The following RYR1 variants were observed in gnomAD, a reference collection of about 807,000 sequenced individuals.
RYR1 encodes the protein central core disease of muscle.
A neutral mutation model predicts 583.5 loss-of-function variants in RYR1; 342 were observed. The ratio of observed to expected loss-of-function variants is 0.59; its 90% CI spans 0.54 to 0.64. The LOEUF (loss-of-function observed/expected upper bound fraction) is 0.64, where lower values mean the gene tolerates loss of function less well. RYR1 is among the 30% of genes least tolerant of loss of function. RYR1 has a pLI of 0.00. For synonymous variants in RYR1, 2,791 were observed against 2,822.5 expected, an observed-to-expected ratio of 0.99 and a Z score of 0.35; for missense variants, 6,032 against 6,917.2, an observed-to-expected ratio of 0.87 and a Z score of 4.54.
chr19:38,505,671 C>T (rs1600848139), intron 53 of RYR1, 135 bp from the exon 54 acceptor site: 1 of 1,101,708 alleles, frequency 9.1e-7, no homozygotes, highest in South Asian at 1.4e-5. Context: ...TGTTACAGAG[C>T]AGGTAAGAGA....
chr19:38,565,135 G>A lies in RYR1; in HGVS notation c.12801G>A (p.Ala4267=), dbSNP rs1448049138. The A allele has an allele frequency of 3.3e-6, 5 of 1,525,926 alleles. No individual in the cohort carries two copies. Among genetic ancestry groups the A allele is most frequent in the East Asian group, 2.5e-5 (1 of 40,362 alleles). The allele number at this position is 1,525,926 out of a possible 1,614,324, so 94.5% of individuals were successfully genotyped here. The change falls in exon 91 of 106, where the codon GCG becomes GCA. Residue 4267 remains alanine (A), a synonymous_variant. Transcript: ENST00000359596. The surrounding 1 kb of genome is among the most constrained non-coding windows in gnomAD (Gnocchi z 4.7). The part of the protein sequence containing the change: ...PETDEDEGAG[A]AEAGAEGAEE... ...CCGACGAGGACGAGGGCGCGGGCGC[G>A]GCGGAGGCGGGCGCGGAAGGCGCGG...
Position 38,565,846 on chromosome 19 carries a change from G to C in RYR1, c.13437+75G>C. On this transcript the variant is annotated intron_variant, in intron 91 of 105. Coordinates refer to ENST00000359596, the MANE Select transcript of RYR1 (RefSeq NM_000540.3). The surrounding 1 kb of genome is among the most constrained non-coding windows in gnomAD (Gnocchi z 4.7). ...GGGAGGAAGAGAGCCCGGCTGGGTG[G>C]AGACACACACAGAGGAGAGAACTGG... The C allele has an allele frequency of 7.5e-7, 1 of 1,342,152 alleles. No individual in the cohort carries two copies. The highest frequency in any genetic ancestry group is 9.5e-7 in the Non-Finnish European group (1 of 1,050,616). 83.1% of individuals were successfully genotyped at this position (1,342,152 alleles called of 1,614,324 possible).
chr19:38,563,512 G>T (rs997853380), intron 90 of RYR1, among the ~76,000 whole-genome samples: 2 of 152,198 alleles, frequency 1.3e-5, no homozygotes, highest in Non-Finnish European at 2.9e-5. Context: ...TGATCCGCCC[G>T]CCTCGGCCTC....
chr19:38,494,610 T>A lies in RYR1; in HGVS notation c.6533T>A (p.Met2178Lys), dbSNP rs1568494072. Residue 2178 changes from methionine to lysine, a missense_variant, in exon 39 of 106, where the codon ATG (methionine) becomes AAG (lysine). Coordinates refer to ENST00000359596, the MANE Select transcript of RYR1 (RefSeq NM_000540.3). ...ATGGGCCCCCAGGAGGAGAACCTCA[T>A]GATCCAGAGCATCGGGTGAGACACC... Reference protein sequence around the residue: ...VQMGPQEENLMIQSIGNIMNN... With the variant: ...VQMGPQEENLKIQSIGNIMNN... 2 of 1,614,120 alleles carry A rather than the reference T, an allele frequency of 1.2e-6. No homozygotes were observed. Among genetic ancestry groups the A allele is most frequent in the African/African-American group, 1.3e-5 (1 of 75,062 alleles).
Position 38,579,969 on chromosome 19 carries a change from T to C in RYR1, c.14365-13T>C. 4 of 1,614,018 alleles carry C rather than the reference T, an allele frequency of 2.5e-6. No individual in the cohort carries two copies. Among genetic ancestry groups the C allele is most frequent in the Non-Finnish European group, 3.4e-6 (4 of 1,179,944 alleles). ...CTGCCTTCCCCCTGACCCCTGGCCC[T>C]GTGTGCCCACAGTCCTTCCTGTACC... On this transcript the variant is annotated splice_polypyrimidine_tract_variant and intron_variant, in intron 99 of 105. Coordinates refer to ENST00000359596, the MANE Select transcript of RYR1 (RefSeq NM_000540.3).
intron 34 of RYR1, among the ~76,000 whole-genome samples, chr19:38,488,361 A>G (rs531165570): frequency 1.3e-5 from 2 of 151,176 alleles, no homozygotes; most frequent in South Asian, 2.1e-4. Flanking sequence ...CTTTCCTTCA[A>G]ACCTCTACCA....
intron 2 of RYR1, among the ~76,000 whole-genome samples, chr19:38,441,596 A>G (rs1175074555): frequency 6.7e-6 from 1 of 150,358 alleles, no homozygotes; most frequent in Non-Finnish European, 1.5e-5. Flanking sequence ...TCCAAGGCAA[A>G]GGGGCCTGGA....
At chr19:38,524,093 AC>A (rs1422237440) in intron 70 of RYR1, among the ~76,000 whole-genome samples, 164 bp downstream of exon 70, 2 of 19,566 alleles carry the variant, frequency 1.0e-4, no homozygotes, top group Non-Finnish European at 1.9e-4. Flanking sequence ...CCTCCCCACC[AC>A]CCCCATCCGT....
chr19:38,539,046 A>G (rs939178835), intron 84 of RYR1, among the ~76,000 whole-genome samples: 1 of 152,222 alleles, frequency 6.6e-6, no homozygotes, highest in African/African-American at 2.4e-5. Context: ...TCTTACTTCC[A>G]TAGAACCTTC....
chr19:38,537,425 C>G (rs1435962704), intron 83 of RYR1, among the ~76,000 whole-genome samples: 1 of 152,144 alleles, frequency 6.6e-6, no homozygotes, highest in East Asian at 1.9e-4. Context: ...GGCTTTCAAT[C>G]CCCATCCCTT....
intron 90 of RYR1, among the ~76,000 whole-genome samples, chr19:38,563,288 A>G: frequency 6.6e-6 from 1 of 152,196 alleles, no homozygotes; most frequent in South Asian, 2.1e-4. Context: ...TGTTTGAGAC[A>G]GAGTTTCGCT....
intron 89 of RYR1, among the ~76,000 whole-genome samples, chr19:38,560,434 TAAAG>T (rs1354392005): frequency 6.7e-6 from 1 of 149,864 alleles, no homozygotes; most frequent in Non-Finnish European, 1.5e-5. Flanking sequence ...GGATAACAGA[TAAAG>T]AGTGTTATGG....
At chr19:38,530,111 G>A (rs959744280) in intron 76 of RYR1, among the ~76,000 whole-genome samples, 1 of 151,940 alleles carries the variant, frequency 6.6e-6, no homozygotes, top group African/African-American at 2.4e-5. Context: ...CCACCACTAC[G>A]CCCAGCTAAT....
chr19:38,524,313 G>T (rs1171895432), intron 70 of RYR1, among the ~76,000 whole-genome samples: 1 of 38 alleles, frequency 0.026, no homozygotes. Context: ...CAGCACCCTC[G>T]CCGTGGATGG....
At position 38,499,824 on chromosome 19, in the gene RYR1, G is replaced by A. The variant is rs1483286544; in HGVS notation, c.7214+3G>A. 5.0e-6 allele frequency: 8 copies of A among 1,608,084 alleles called. No individual in the cohort carries two copies. The highest frequency in any genetic ancestry group is 5.1e-6 in the Non-Finnish European group (6 of 1,179,312). On this transcript the variant is annotated splice_donor_region_variant and intron_variant, in intron 44 of 105. Coordinates refer to ENST00000359596, the MANE Select transcript of RYR1 (RefSeq NM_000540.3). The surrounding 1 kb of genome is among the most constrained non-coding windows in gnomAD (Gnocchi z 7.3). ...CGCAGGGACCGGCGGCGCGAGCAGT[G>A]AGTCTCCCGGCCCCCTCCTCAATAG...
chr19:38,523,003 CTCACCTCCCCTCCG>C lies in RYR1; in HGVS notation c.10260-24_10260-11del. On this transcript the variant is annotated splice_polypyrimidine_tract_variant and intron_variant, in intron 67 of 105. Transcript: ENST00000359596. Reference sequence around the variant, plus strand: ...CTTCCCTGGGATCCCCACCCCCTCCCTCACCTCCCCTCCGCTGACCCCAGGGCGCAGTGGCTGAC... The same window carrying C: ...CTTCCCTGGGATCCCCACCCCCTCCCCTGACCCCAGGGCGCAGTGGCTGAC... 6.4e-7 allele frequency: 1 copy of C among 1,556,238 alleles called. No individual in the cohort carries two copies.
chr19:38,524,375 ATAGT>A (rs1971376140), intron 70 of RYR1, among the ~76,000 whole-genome samples: 1 of 151,546 alleles, frequency 6.6e-6, no homozygotes, highest in Non-Finnish European at 1.5e-5. Flanking sequence ...TCCTGTCTTG[ATAGT>A]TAGCCGTGTG....
chr19:38,452,207 C>T (rs1409969937), intron 12 of RYR1, among the ~76,000 whole-genome samples: 1 of 148,892 alleles, frequency 6.7e-6, no homozygotes, highest in African/African-American at 2.5e-5. Context: ...GAGGCTGAGG[C>T]GGGCAGATCG....
chr19:38,511,578 C>T lies in RYR1; in HGVS notation c.9140C>T (p.Ala3047Val). Reference protein sequence around the residue: ...EMITSLFCKLAALVRHRVSLF... With the variant: ...EMITSLFCKLVALVRHRVSLF... ...TTCTTCAGCCTCTTCTGCAAACTTG[C>T]TGCTCTCGTCCGCCACCGAGTCTCT... Residue 3047 changes from alanine to valine, a missense_variant, in exon 61 of 106, where the codon GCT (alanine) becomes GTT (valine). Physicochemically the swap from Ala to Val is moderately conservative, Grantham distance 64. Coordinates refer to ENST00000359596, the MANE Select transcript of RYR1 (RefSeq NM_000540.3). The T allele has an allele frequency of 6.2e-7, 1 of 1,614,026 alleles. No homozygotes were observed. The highest frequency in any genetic ancestry group is 8.5e-7 in the Non-Finnish European group (1 of 1,180,026).
Sources: gnomAD v4.1 joint callset for allele counts (sites outside exome capture counted in the v4.1 genomes callset) on GRCh38, gnomAD v4.1.1 for gene constraint, Gnocchi (gnomAD v3.1) non-coding constraint, MANE v1.5 for transcripts, NCBI Gene and HGNC (gene_info 2026-07-23, HGNC 2026-07-21) for gene names.